CAMK1D: variants seen among roughly 807,000 people sequenced by gnomAD.
CAMK1D encodes calcium/calmodulin-dependent protein kinase type 1D.
CAMK1D carries 9 observed loss-of-function variants against 47.7 expected under a neutral mutation model. The ratio of observed to expected loss-of-function variants is 0.19; its 90% CI spans 0.11 to 0.33. The LOEUF (loss-of-function observed/expected upper bound fraction) is 0.33. CAMK1D is among the 10% of genes least tolerant of loss of function. The probability of loss-of-function intolerance (pLI) is 1.00; values close to 1 mark genes in which losing one functional copy is unlikely to be tolerated. For missense variants in CAMK1D, 291 were observed against 488.7 expected (o/e 0.60, Z 3.81); for synonymous variants, 184 against 184.9 (o/e 0.99, Z 0.04).
chr10:12,709,785 G>A (rs1008083710), intron 3 of CAMK1D, among the ~76,000 whole-genome samples: 1 of 152,170 alleles, frequency 6.6e-6, no homozygotes, highest in Non-Finnish European at 1.5e-5. Context: ...AAGTATTTCT[G>A]CTGAGTTTTG....
chr10:12,524,960 A>G (rs1166837451), intron 1 of CAMK1D, among the ~76,000 whole-genome samples: 1 of 152,142 alleles, frequency 6.6e-6, no homozygotes, highest in Non-Finnish European at 1.5e-5. Context: ...TTCACTGAGA[A>G]TGTCTTTATT....
At position 12,535,741 on chromosome 10, in the gene CAMK1D, G is replaced by A. The variant is rs1412381204; in HGVS notation, c.93-17484G>A. Reference sequence around the variant, plus strand: ...CAGAGTTGAGTTCTCTTGCCTCTGAGTTCTTGTAATGTTTTGTGAATAGTT... The same window carrying A: ...CAGAGTTGAGTTCTCTTGCCTCTGAATTCTTGTAATGTTTTGTGAATAGTT... On this transcript the variant is annotated intron_variant, in intron 1 of 10. Transcript: ENST00000619168. Among the ~76,000 whole-genome samples, 2 of 152,180 alleles carry A rather than the reference G, an allele frequency of 1.3e-5. 1 individual carries two copies. Among genetic ancestry groups the A allele is most frequent in the Middle Eastern group, 6.3e-3 (2 of 316 alleles).
intron 2 of CAMK1D, among the ~76,000 whole-genome samples, chr10:12,611,637 G>C (rs1295907077): frequency 6.4e-5 from 7 of 109,068 alleles, no homozygotes; most frequent in African/African-American, 2.2e-4. Flanking sequence ...TGTCTCCCAG[G>C]CTGGAGTGCA....
At chr10:12,581,761 T>C (rs898878568) in intron 2 of CAMK1D, among the ~76,000 whole-genome samples, 18 of 152,362 alleles carry the variant, frequency 1.2e-4, no homozygotes, top group African/African-American at 3.6e-4. Context: ...CTGATTTGTT[T>C]GAGTTCCTTG....
At chr10:12,632,178 GAAATCTTTCTCCC>G (rs753882683) in intron 2 of CAMK1D, among the ~76,000 whole-genome samples, 5 of 152,278 alleles carry the variant, frequency 3.3e-5, no homozygotes, top group Non-Finnish European at 7.4e-5. Flanking sequence ...ATCCCTTCTT[GAAATCTTTCTCCC>G]AAATCTTTCT....
intron 1 of CAMK1D, among the ~76,000 whole-genome samples, chr10:12,471,077 C>G (rs1041112692): frequency 6.6e-6 from 1 of 152,172 alleles, no homozygotes. Context: ...TTATTTTCCT[C>G]CATGCTTTTT....
chr10:12,443,313 C>G (rs939772576), intron 1 of CAMK1D, among the ~76,000 whole-genome samples: 1 of 152,134 alleles, frequency 6.6e-6, no homozygotes, highest in Non-Finnish European at 1.5e-5. Flanking sequence ...GAGGGCTAAC[C>G]TATGTTGCCT....
At chr10:12,730,213 A>G in intron 3 of CAMK1D, among the ~76,000 whole-genome samples, 1 of 152,130 alleles carries the variant, frequency 6.6e-6, no homozygotes, top group Admixed American at 6.5e-5. Context: ...GAGATGGGGT[A>G]GGATTCTGGA....
At chr10:12,363,943 T>C (rs1837758991) in intron 1 of CAMK1D, among the ~76,000 whole-genome samples, 1 of 152,176 alleles carries the variant, frequency 6.6e-6, no homozygotes, top group African/African-American at 2.4e-5. Context: ...AGCCCGTGCC[T>C]CCAGTTCTTT....
intron 8 of CAMK1D, among the ~76,000 whole-genome samples, chr10:12,824,099 C>A (rs983407436): frequency 6.6e-6 from 1 of 151,414 alleles, no homozygotes; most frequent in African/African-American, 2.4e-5. Flanking sequence ...TGTGTGGAGG[C>A]AGAGGGGATG....
chr10:12,760,291 C>A (rs1022432564), intron 3 of CAMK1D, among the ~76,000 whole-genome samples: 7 of 152,216 alleles, frequency 4.6e-5, no homozygotes, highest in African/African-American at 7.2e-5. Context: ...GATACAGCAT[C>A]ACTAAAACCA....
chr10:12,550,342 C>A (rs1460749351), intron 1 of CAMK1D, among the ~76,000 whole-genome samples: 2 of 152,194 alleles, frequency 1.3e-5, no homozygotes, highest in East Asian at 3.9e-4. Context: ...AGTGATTTTT[C>A]TCCTACTCTA....
chr10:12,771,016 G>A (rs1259105054), intron 5 of CAMK1D, among the ~76,000 whole-genome samples: 3 of 152,054 alleles, frequency 2.0e-5, no homozygotes, highest in African/African-American at 4.8e-5. Context: ...TGCAACCTCC[G>A]CTTCCTGGAT....
chr10:12,588,796 A>G (rs567413098), intron 2 of CAMK1D, among the ~76,000 whole-genome samples: 1 of 148,676 alleles, frequency 6.7e-6, no homozygotes, highest in South Asian at 2.1e-4. Flanking sequence ...ATATACACAC[A>G]CACACACACA....
intron 1 of CAMK1D, among the ~76,000 whole-genome samples, chr10:12,358,734 T>C (rs1837581923): frequency 6.6e-6 from 1 of 152,052 alleles, no homozygotes; most frequent in Admixed American, 6.6e-5. Context: ...AAGAGGGAGA[T>C]AGGAGTTGCT....
At chr10:12,820,345 A>G (rs1006975037) in intron 8 of CAMK1D, among the ~76,000 whole-genome samples, 1 of 152,230 alleles carries the variant, frequency 6.6e-6, no homozygotes, top group African/African-American at 2.4e-5. Flanking sequence ...AACCCTCCCA[A>G]TAAGTCAAAC....
chr10:12,699,271 G>C (rs1000902597), intron 3 of CAMK1D, among the ~76,000 whole-genome samples: 1 of 152,182 alleles, frequency 6.6e-6, no homozygotes, highest in African/African-American at 2.4e-5. Flanking sequence ...CAAAAGAACT[G>C]TGATCATGTC....
chr10:12,710,347 C>T lies in CAMK1D; in HGVS notation c.299+43537C>T, dbSNP rs17152132. Among the ~76,000 whole-genome samples the T allele has an allele frequency of 9.4e-3, 1,433 of 152,198 alleles. 27 individuals carry two copies. The highest frequency in any genetic ancestry group is 0.032 in the African/African-American group (1,315 of 41,492). ...TTCTGGACAGTGTCTTGATAACTTT[C>T]GGTAATTTGGCTGTACCCTGTCATT... is the stretch of plus-strand genomic sequence containing the variant. On this transcript the variant is annotated intron_variant, in intron 3 of 10. Transcript: ENST00000619168.
At chr10:12,442,501 A>G (rs1475156154) in intron 1 of CAMK1D, among the ~76,000 whole-genome samples, 1 of 152,156 alleles carries the variant, frequency 6.6e-6, no homozygotes, top group Non-Finnish European at 1.5e-5. Context: ...AAACAAAAAA[A>G]CTTTGATTTC....
Sources: gnomAD v4.1 joint callset for allele counts (sites outside exome capture counted in the v4.1 genomes callset) on GRCh38, gnomAD v4.1.1 for gene constraint, MANE v1.5 for transcripts, NCBI Gene and HGNC (gene_info 2026-07-23, HGNC 2026-07-21) for gene names.